The following CA10 variants were observed in gnomAD, a reference collection of about 807,000 sequenced individuals.
CA10 encodes the protein carbonic anhydrase 10 (inactive).
CA10 carries 14 observed loss-of-function variants against 44.2 expected under a neutral mutation model. The observed-to-expected ratio is 0.32, with a 90% CI of 0.21 to 0.50. CA10 has a LOEUF of 0.50. Among genes scored for constraint, CA10 ranks in the 20% least tolerant of loss-of-function variants. The probability of loss-of-function intolerance (pLI) is 0.99; values close to 1 mark genes in which losing one functional copy is unlikely to be tolerated. For synonymous variants in CA10, 159 were observed against 141.6 expected, an observed-to-expected ratio of 1.12 and a Z score of -0.87; for missense variants, 350 against 409.7, an observed-to-expected ratio of 0.85 and a Z score of 1.26.
intron 4 of CA10, among the ~76,000 whole-genome samples, chr17:51,721,757 A>T (rs1050116859): frequency 5.3e-5 from 8 of 152,180 alleles, no homozygotes; most frequent in African/African-American, 1.9e-4. Context: ...ATTGGTGAAC[A>T]TATTGAGGTG....
Position 51,910,523 on chromosome 17 carries a change from G to A in CA10, c.279+20467C>T, listed in dbSNP as rs74640411. ...AACAACAAAAACAACAACAAAAATCGAAGCAGATTAAAGACAAATTCAGAT... is the reference window on the plus strand; with the variant it reads ...AACAACAAAAACAACAACAAAAATCAAAGCAGATTAAAGACAAATTCAGAT... On this transcript the variant is annotated intron_variant, in intron 3 of 8. Transcript: ENST00000451037. Among the ~76,000 whole-genome samples, 819 of 152,190 alleles carry A rather than the reference G, an allele frequency of 5.4e-3. 35 individuals carry two copies. The East Asian group carries it at 0.11, about 20-fold the overall frequency.
chr17:51,712,680 T>A (rs1456649243), intron 4 of CA10, among the ~76,000 whole-genome samples: 1 of 152,252 alleles, frequency 6.6e-6, no homozygotes, highest in African/African-American at 2.4e-5. Flanking sequence ...AGCATCTCAT[T>A]GTTTTATCTC....
At chr17:51,821,573 C>T (rs764407647) in intron 3 of CA10, among the ~76,000 whole-genome samples, 28 of 152,126 alleles carry the variant, frequency 1.8e-4, no homozygotes, top group Non-Finnish European at 3.7e-4. Context: ...ACATTCACTC[C>T]CATCCAGTCT....
intron 3 of CA10, among the ~76,000 whole-genome samples, chr17:51,764,398 T>C (rs1388605893): frequency 6.6e-6 from 1 of 152,218 alleles, no homozygotes; most frequent in Non-Finnish European, 1.5e-5. Context: ...AGCTTTGTAA[T>C]TATCTGCCCC....
intron 2 of CA10, among the ~76,000 whole-genome samples, chr17:51,989,153 C>CT (rs558333341): frequency 0.15 from 20,829 of 135,086 alleles, 1,471 homozygotes; most frequent in South Asian, 0.25. Flanking sequence ...ATCTCTGTTT[C>CT]TTTTTTTTTT....
intron 3 of CA10, among the ~76,000 whole-genome samples, chr17:51,916,788 T>C (rs203064): frequency 0.77 from 117,810 of 152,074 alleles, 46,005 homozygotes; most frequent in Non-Finnish European, 0.8. Context: ...TGCTCTCCCC[T>C]GCCCCTCATC....
chr17:51,714,191 G>A (rs1043710367), intron 4 of CA10, among the ~76,000 whole-genome samples: 3 of 152,090 alleles, frequency 2.0e-5, no homozygotes, highest in Admixed American at 1.3e-4. Flanking sequence ...GGCAGGGTGT[G>A]ATATTATTAT....
intron 3 of CA10, among the ~76,000 whole-genome samples, chr17:51,808,104 A>T (rs551099914): frequency 6.6e-6 from 1 of 152,364 alleles, no homozygotes; most frequent in South Asian, 2.1e-4. Context: ...TATTAGGCTT[A>T]GGGAATTTGC....
intron 2 of CA10, among the ~76,000 whole-genome samples, chr17:51,977,684 G>C (rs1984510171): frequency 6.6e-6 from 1 of 152,040 alleles, no homozygotes; most frequent in African/African-American, 2.4e-5. Flanking sequence ...AGAGGTCCTA[G>C]ATAGTTCAGT....
intron 2 of CA10, among the ~76,000 whole-genome samples, chr17:51,942,930 GTGGATGGATGCA>G (rs895287949): frequency 1.3e-5 from 2 of 152,196 alleles, no homozygotes; most frequent in South Asian, 2.1e-4. Flanking sequence ...TATTGAGTGG[GTGGATGGATGCA>G]TGGATGGATG....
intron 4 of CA10, among the ~76,000 whole-genome samples, chr17:51,694,929 C>A (rs764918317): frequency 6.6e-6 from 1 of 152,090 alleles, no homozygotes; most frequent in African/African-American, 2.4e-5. Flanking sequence ...TTTCTCATTG[C>A]TTATTTATTC....
At chr17:52,068,470 C>T (rs900150975) in intron 2 of CA10, among the ~76,000 whole-genome samples, 4 of 152,214 alleles carry the variant, frequency 2.6e-5, no homozygotes, top group African/African-American at 9.6e-5. Flanking sequence ...TCCCTCTTTG[C>T]CTGTGCTGTC....
At chr17:52,055,888 A>T (rs1987214315) in intron 2 of CA10, among the ~76,000 whole-genome samples, 1 of 152,138 alleles carries the variant, frequency 6.6e-6, no homozygotes, top group African/African-American at 2.4e-5. Flanking sequence ...CAAATAAAGC[A>T]TAAAAGTATT....
intron 2 of CA10, among the ~76,000 whole-genome samples, chr17:52,009,128 G>A (rs189950): frequency 0.48 from 72,885 of 151,626 alleles, 18,047 homozygotes; most frequent in African/African-American, 0.55. Context: ...TCAAGAGTCA[G>A]CCTCCCTCTA....
chr17:52,149,187 G>C (rs762347457), intron 1 of CA10, among the ~76,000 whole-genome samples: 7 of 152,252 alleles, frequency 4.6e-5, no homozygotes, highest in South Asian at 2.1e-4. Context: ...TGCAAAGCCA[G>C]CAAGACTTGG....
intron 3 of CA10, among the ~76,000 whole-genome samples, chr17:51,764,684 G>A (rs1257106068): frequency 2.6e-5 from 4 of 152,196 alleles, no homozygotes; most frequent in African/African-American, 7.2e-5. Flanking sequence ...CAAGGGCCCA[G>A]TACCATTCTG....
intron 1 of CA10, among the ~76,000 whole-genome samples, chr17:52,088,590 A>C (rs1037479063): frequency 1.3e-5 from 2 of 152,186 alleles, no homozygotes; most frequent in African/African-American, 4.8e-5. Context: ...AGATTATTAC[A>C]AATGAAAAGA....
At chr17:52,061,163 G>A (rs1237050494) in intron 2 of CA10, among the ~76,000 whole-genome samples, 1 of 152,168 alleles carries the variant, frequency 6.6e-6, no homozygotes, top group East Asian at 1.9e-4. Flanking sequence ...ATTATGTCAA[G>A]GATCTTACGA....
At position 51,653,624 on chromosome 17, in the gene CA10, G is replaced by A. The variant is rs756136172; in HGVS notation, c.561+17C>T. On this transcript the variant is annotated intron_variant, in intron 5 of 8. Coordinates refer to ENST00000451037, the MANE Select transcript of CA10 (RefSeq NM_020178.5). ...GGTGGGGATGGTGAGAAGAATGAAGGAATGCAAGAGACTTACTTTTATAAA... is the reference window on the plus strand; with the variant it reads ...GGTGGGGATGGTGAGAAGAATGAAGAAATGCAAGAGACTTACTTTTATAAA... 2.0e-5 allele frequency: 26 copies of A among 1,289,672 alleles called. No individual in the cohort carries two copies. The highest frequency in any genetic ancestry group is 2.3e-6 in the Non-Finnish European group (2 of 884,066). The allele number at this position is 1,289,672 out of a possible 1,614,324, so 79.9% of individuals were successfully genotyped here.
Sources: allele counts gnomAD v4.1 joint callset (sites outside exome capture counted in the v4.1 genomes callset), GRCh38; gene constraint gnomAD v4.1.1; transcripts MANE v1.5; gene names NCBI Gene and HGNC (gene_info 2026-07-23, HGNC 2026-07-21).